Variants in IL3RA observed in about 807,000 individuals in gnomAD.
The protein encoded by IL3RA is interleukin 3 receptor subunit alpha, also known as interleukin-3 receptor subunit alpha.
A neutral mutation model predicts 52.3 loss-of-function variants in IL3RA; 73 were observed. The observed-to-expected ratio is 1.40, with a 90% CI of 1.16 to 1.70. The LOEUF (loss-of-function observed/expected upper bound fraction) is 1.70. Ranked by LOEUF, IL3RA falls within the 40% of genes most tolerant of loss-of-function variation. The pLI, the probability that IL3RA is intolerant of heterozygous loss-of-function variation, is 0.00. For synonymous variants in IL3RA, 260 were observed against 194.0 expected, an observed-to-expected ratio of 1.34 and a Z score of -2.83; for missense variants, 664 against 504.4, an observed-to-expected ratio of 1.32 and a Z score of -3.03.
intron 1 of IL3RA, among the ~76,000 whole-genome samples, chrX:1,340,117 T>G (rs1227463138): frequency 7.5e-6 from 1 of 134,154 alleles, no homozygotes; most frequent in Non-Finnish European, 1.6e-5. Flanking sequence ...TTTCTTTTCT[T>G]TTTTTTTTTT....
At chrX:1,341,528 G>C (rs1373831112) in intron 1 of IL3RA, among the ~76,000 whole-genome samples, 200 bp from the exon 2 acceptor site, 1 of 114,214 alleles carries the variant, frequency 8.8e-6, no homozygotes, top group East Asian at 2.5e-4. Context: ...GTGCACACAT[G>C]TAGAAGCACA....
At chrX:1,378,518 G>A in intron 9 of IL3RA, 141 bp from the exon 10 acceptor site, 2 of 681,684 alleles carry the variant, frequency 2.9e-6, no homozygotes, top group South Asian at 1.8e-5. Context: ...TGTGCAGGTG[G>A]CACTACTGGG....
At position 1,341,724 on chromosome X, in the gene IL3RA, G is replaced by C. The variant is rs17886180; in HGVS notation, c.-38-4G>C. On this transcript the variant is annotated splice_region_variant and splice_polypyrimidine_tract_variant and intron_variant, in intron 1 of 11. Transcript: ENST00000331035. ...CCGCTGCCTGACTCTCGTTTCTCCTGCAGCAGGCACCTCTGTCCTGCGTTC... is the reference window on the plus strand; with the variant it reads ...CCGCTGCCTGACTCTCGTTTCTCCTCCAGCAGGCACCTCTGTCCTGCGTTC... The C allele has an allele frequency of 0.97, 1,569,275 of 1,612,208 alleles. 765,915 individuals are homozygous for C. The highest frequency in any genetic ancestry group is 1 in the Non-Finnish European group (1,174,210 of 1,179,068).
chrX:1,350,459 C>T (rs1463718648), intron 4 of IL3RA, among the ~76,000 whole-genome samples: 1 of 151,178 alleles, frequency 6.6e-6, no homozygotes, highest in Non-Finnish European at 1.5e-5. Flanking sequence ...GGTGGTGGCA[C>T]ATGCCTGTAG....
chrX:1,344,806 T>C (rs2148897849), intron 2 of IL3RA, among the ~76,000 whole-genome samples: 1 of 150,928 alleles, frequency 6.6e-6, no homozygotes, highest in South Asian at 2.1e-4. Context: ...AATAAAGAAC[T>C]CGACCTCCCA....
At chrX:1,365,898 C>G (rs865898686) in intron 9 of IL3RA, among the ~76,000 whole-genome samples, 3 of 6,146 alleles carry the variant, frequency 4.9e-4, no homozygotes, top group East Asian at 5.5e-3. Context: ...CGGGGTGAGC[C>G]GGGTGCGCGG....
chrX:1,339,351 C>T (rs146581677), intron 1 of IL3RA, among the ~76,000 whole-genome samples: 140 of 152,284 alleles, frequency 9.2e-4, no homozygotes, highest in African/African-American at 3.1e-3. Flanking sequence ...GAAGGGGCTC[C>T]GAGGCCTCTG....
intron 1 of IL3RA, among the ~76,000 whole-genome samples, chrX:1,337,632 C>A (rs1352523308): frequency 1.3e-5 from 2 of 149,244 alleles, no homozygotes; most frequent in Non-Finnish European, 3.0e-5. Context: ...GCCCTCATAC[C>A]CATCTATAGA....
chrX:1,348,890 T>C (rs1301558435), intron 4 of IL3RA, among the ~76,000 whole-genome samples: 1 of 148,506 alleles, frequency 6.7e-6, no homozygotes, highest in African/African-American at 2.5e-5. Context: ...TTTCGTTTTC[T>C]TTTCCTCCCT....
chrX:1,382,328 C>T lies in IL3RA; in HGVS notation c.1063-63C>T. On this transcript the variant is annotated intron_variant, in intron 11 of 11. Transcript: ENST00000331035. ...TGAGATGGGACAGGCCCCCGCAGAT[C>T]AGGACGTGGGCTCTGTTATCTGGGG... is the stretch of plus-strand genomic sequence containing the variant. 3.7e-6 allele frequency: 4 copies of T among 1,084,636 alleles called. No individual in the cohort carries two copies. In the South Asian group the frequency reaches 4.4e-5, roughly 12 times the overall value. The allele number at this position is 1,084,636 out of a possible 1,614,324, so 67.2% of individuals were successfully genotyped here. A position where few individuals can be genotyped will look rare whatever the true frequency, so the allele number is the denominator to read the frequency against.
intron 9 of IL3RA, among the ~76,000 whole-genome samples, chrX:1,373,405 G>T (rs2088582945): frequency 5.6e-5 from 1 of 17,818 alleles, no homozygotes. Context: ...GCCCAGGAGA[G>T]GGGCCTCAGG....
At chrX:1,355,721 G>C (rs1425792926) in intron 6 of IL3RA, among the ~76,000 whole-genome samples, 2 of 151,982 alleles carry the variant, frequency 1.3e-5, no homozygotes, top group Non-Finnish European at 2.9e-5. Flanking sequence ...GATGTGTGCA[G>C]GTCAAAGTGT....
At chrX:1,368,026 G>C (rs1201904342) in intron 9 of IL3RA, among the ~76,000 whole-genome samples, 1 of 152,064 alleles carries the variant, frequency 6.6e-6, no homozygotes. Flanking sequence ...AATAAAGACC[G>C]AGGCGGGCGG....
At chrX:1,348,601 T>C in intron 4 of IL3RA, 56 bp downstream of exon 4, 1 of 1,223,520 alleles carries the variant, frequency 8.2e-7, no homozygotes, top group Non-Finnish European at 1.2e-6. Context: ...CTTCCCTCTC[T>C]CCCTCCCTCT....
rs770611806 is a variant in IL3RA, at chrX:1,381,049, C to T, written c.1007C>T (p.Pro336Leu). Reference protein sequence around the residue: ...RRYLVMQRLFPRIPHMKDPIG... With the variant: ...RRYLVMQRLFLRIPHMKDPIG... ...TATCTGGTGATGCAGAGACTCTTTCCCCGCATCCCTCACATGAAAGACCCC... is the reference window on the plus strand; with the variant it reads ...TATCTGGTGATGCAGAGACTCTTTCTCCGCATCCCTCACATGAAAGACCCC... The change falls in exon 11 of 12, where the codon CCC becomes CTC. Residue 336 changes from proline to leucine, a missense_variant. Pro to Leu is a moderately conservative substitution (Grantham distance 98). Coordinates refer to ENST00000331035, the MANE Select transcript of IL3RA (RefSeq NM_002183.4). 3 of 1,613,692 alleles carry T rather than the reference C, an allele frequency of 1.9e-6. No individual in the cohort carries two copies. The highest frequency in any genetic ancestry group is 1.7e-5 in the Admixed American group (1 of 59,984).
intron 9 of IL3RA, among the ~76,000 whole-genome samples, chrX:1,378,408 G>A (rs1161913336): frequency 5.9e-5 from 9 of 152,064 alleles, no homozygotes; most frequent in Admixed American, 1.3e-4. Flanking sequence ...TGGTCTTTCC[G>A]CTCCCTTAGG....
In IL3RA at chrX:1,378,640, T is replaced by TCTC. The variant is rs753484348; in HGVS notation, c.875-18_875-16dup. The TCTC allele has an allele frequency of 6.2e-7, 1 of 1,608,184 alleles. No individual in the cohort carries two copies. The highest frequency in any genetic ancestry group is 1.3e-5 in the African/African-American group (1 of 74,794). On this transcript the variant is annotated intron_variant, in intron 9 of 11. Coordinates refer to ENST00000331035, the MANE Select transcript of IL3RA (RefSeq NM_002183.4). The stretch of plus-strand genomic sequence containing the variant: ...CAGGACGGCCCCCGGTCTGTGACCC[T>TCTC]CTCACCCTTTACCCCTAGAGTGCGA...
chrX:1,340,668 CTG>C (rs1238823090), intron 1 of IL3RA, among the ~76,000 whole-genome samples: 1 of 152,166 alleles, frequency 6.6e-6, no homozygotes, highest in African/African-American at 2.4e-5. Context: ...AACACAAAGA[CTG>C]TGTGTACCTG....
At chrX:1,354,544 TAGAGATGGAGAGGGAAGGAAGAGGAGGA>T (rs1322109106) in intron 6 of IL3RA, among the ~76,000 whole-genome samples, 1 of 79,826 alleles carries the variant, frequency 1.3e-5, no homozygotes, top group African/African-American at 5.0e-5. Flanking sequence ...GGGGAGGAGG[TAGAGATGGAGAGGGAAGGAAGAGGAGGA>T]AGAGAAGAAA....
Sources: allele counts gnomAD v4.1 joint callset (sites outside exome capture counted in the v4.1 genomes callset), GRCh38; gene constraint gnomAD v4.1.1; transcripts MANE v1.5; gene names NCBI Gene and HGNC (gene_info 2026-07-23, HGNC 2026-07-21).